ATG7: variants seen among roughly 807,000 people sequenced by gnomAD.
The protein encoded by ATG7 is ubiquitin-like modifier-activating enzyme ATG7.
A neutral mutation model predicts 82.4 loss-of-function variants in ATG7; 70 were observed. That is an observed-to-expected ratio of 0.85 (90% CI 0.70 to 1.04). The LOEUF is 1.04. Ranked by LOEUF, ATG7 falls within the 50% of genes least tolerant of loss-of-function variation. ATG7 has a pLI of 0.00. For synonymous variants in ATG7, 287 were observed against 313.0 expected, an observed-to-expected ratio of 0.92 and a Z score of 0.88; for missense variants, 792 against 864.3, an observed-to-expected ratio of 0.92 and a Z score of 1.05.
At chr3:11,400,577 A>G (rs997963974) in intron 19 of ATG7, among the ~76,000 whole-genome samples, 4 of 151,094 alleles carry the variant, frequency 2.6e-5, no homozygotes, top group South Asian at 2.1e-4. Flanking sequence ...ATGTGCAAGT[A>G]CCTGATTTTT....
intron 20 of ATG7, among the ~76,000 whole-genome samples, chr3:11,538,024 A>G (rs2070467923): frequency 8.6e-6 from 1 of 116,068 alleles, no homozygotes; most frequent in South Asian, 2.5e-4. Flanking sequence ...GGAAGAGGGC[A>G]TAGGTCCCAG....
intron 18 of ATG7, among the ~76,000 whole-genome samples, chr3:11,372,692 C>T (rs745892810): frequency 1.3e-5 from 2 of 150,796 alleles, no homozygotes; most frequent in African/African-American, 4.9e-5. Context: ...TTTTACTGTA[C>T]TAAGGGAAAA....
At chr3:11,442,969 G>A (rs1278901638) in intron 20 of ATG7, among the ~76,000 whole-genome samples, 1 of 152,022 alleles carries the variant, frequency 6.6e-6, no homozygotes, top group Non-Finnish European at 1.5e-5. Flanking sequence ...TTTAGTCAGG[G>A]TGTAAGAATA....
intron 19 of ATG7, among the ~76,000 whole-genome samples, chr3:11,393,423 G>C (rs1273119896): frequency 1.3e-5 from 2 of 152,048 alleles, no homozygotes; most frequent in African/African-American, 2.4e-5. Flanking sequence ...AGGGAGAAAG[G>C]GTTTGTGTGT....
intron 20 of ATG7, among the ~76,000 whole-genome samples, chr3:11,532,969 G>A (rs1477978290): frequency 1.3e-5 from 2 of 152,198 alleles, no homozygotes; most frequent in African/African-American, 2.4e-5. Context: ...CATGAACACC[G>A]TGCCCCAGGA....
At chr3:11,358,333 G>T in intron 14 of ATG7, 85 bp from the exon 15 acceptor site, 1 of 1,359,972 alleles carries the variant, frequency 7.4e-7, no homozygotes, top group Non-Finnish European at 1.0e-6. Context: ...ACACAAGTAA[G>T]TGCAGGCAGC....
At chr3:11,506,896 C>T (rs772239809) in intron 20 of ATG7, among the ~76,000 whole-genome samples, 15 of 152,172 alleles carry the variant, frequency 9.9e-5, no homozygotes, top group Non-Finnish European at 2.2e-4. Flanking sequence ...CTGCCATTCC[C>T]TAGGTAAGGA....
the ATG7 span, chr3:11,564,662 A>ACCCCTCACCACCTCCC: frequency 1.1e-6 from 1 of 935,864 alleles, no homozygotes; most frequent in Non-Finnish European, 1.6e-6. Context: ...GAAGGGTGGC[A>ACCCCTCACCACCTCCC]TCCCTCACCA....
intron 9 of ATG7, among the ~76,000 whole-genome samples, chr3:11,318,574 G>A (rs1407776720): frequency 6.6e-6 from 1 of 152,138 alleles, no homozygotes; most frequent in African/African-American, 2.4e-5. Flanking sequence ...CTGTCCAAGT[G>A]CATTTTCTAA....
chr3:11,443,841 T>A (rs991074695), intron 20 of ATG7, among the ~76,000 whole-genome samples: 1 of 152,170 alleles, frequency 6.6e-6, no homozygotes, highest in African/African-American at 2.4e-5. Flanking sequence ...CTATAACATA[T>A]GCAGAAAAAA....
At position 11,557,062 on chromosome 3, in the gene ATG7, C is replaced by A. The variant is rs758549640; in HGVS notation, c.*2219C>A. On this transcript the variant is annotated 3_prime_UTR_variant, in exon 21 of 21. Coordinates refer to ENST00000693202, the MANE Select transcript of ATG7 (RefSeq NM_001349232.2). ...CTTGCAGGTGAGGTGACCACGCCCA[C>A]GTCACCTGGTCAGGTGCCATCGTCG... is the stretch of plus-strand genomic sequence containing the variant. 2.6e-5 allele frequency: 4 copies of A among 152,484 alleles called. No individual in the cohort carries two copies. Among genetic ancestry groups the A allele is most frequent in the Non-Finnish European group, 5.9e-5 (4 of 68,048 alleles). The allele number at this position is 152,484 out of a possible 1,614,324, so 9.4% of individuals were successfully genotyped here.
intron 20 of ATG7, chr3:11,477,241 C>A: frequency 1.6e-6 from 2 of 1,280,988 alleles, no homozygotes; most frequent in Non-Finnish European, 2.0e-6. Flanking sequence ...CCTCGCCCAT[C>A]TGATTCTTGG....
At chr3:11,436,348 G>C (rs1230798529) in intron 20 of ATG7, among the ~76,000 whole-genome samples, 1 of 152,148 alleles carries the variant, frequency 6.6e-6, no homozygotes, top group East Asian at 1.9e-4. Flanking sequence ...AGGGAAATTA[G>C]AAGCCTCCTA....
intron 20 of ATG7, among the ~76,000 whole-genome samples, chr3:11,526,324 C>T (rs879919325): frequency 3.3e-5 from 5 of 151,920 alleles, no homozygotes; most frequent in African/African-American, 7.3e-5. Flanking sequence ...CCAGGGAGGC[C>T]GAGGCTTTAG....
intron 20 of ATG7, among the ~76,000 whole-genome samples, chr3:11,464,457 C>T (rs961362139): frequency 2.6e-5 from 4 of 152,128 alleles, no homozygotes; most frequent in East Asian, 3.8e-4. Flanking sequence ...TGGTTAACTC[C>T]GCACCCCCTC....
chr3:11,545,822 T>A (rs111870370), intron 20 of ATG7, among the ~76,000 whole-genome samples: 279 of 152,312 alleles, frequency 1.8e-3, no homozygotes, highest in African/African-American at 6.4e-3. Context: ...CAGTAAGGGC[T>A]AGCAAACTAG....
chr3:11,278,006 C>G (rs1202873479), intron 1 of ATG7, among the ~76,000 whole-genome samples: 2 of 149,724 alleles, frequency 1.3e-5, no homozygotes, highest in South Asian at 2.1e-4. Context: ...TTTATAGGCT[C>G]TCTGCAAGAA....
intron 13 of ATG7, among the ~76,000 whole-genome samples, chr3:11,344,771 A>G (rs893533331): frequency 9.2e-5 from 14 of 152,054 alleles, no homozygotes; most frequent in African/African-American, 3.1e-4. Context: ...TCGGGAGCTG[A>G]GGTGGAAGGA....
chr3:11,473,653 TAG>T (rs1394217278), intron 20 of ATG7, among the ~76,000 whole-genome samples: 3 of 152,218 alleles, frequency 2.0e-5, no homozygotes, highest in East Asian at 3.8e-4. Flanking sequence ...GAATTTAAGA[TAG>T]AGTCACTTCT....
Sources: allele counts gnomAD v4.1 joint callset (sites outside exome capture counted in the v4.1 genomes callset), GRCh38; gene constraint gnomAD v4.1.1; transcripts MANE v1.5; gene names NCBI Gene and HGNC (gene_info 2026-07-23, HGNC 2026-07-21).